KIF21A: variants seen among roughly 807,000 people sequenced by gnomAD.
KIF21A encodes the protein kinesin family member 21A.
KIF21A carries 114 observed loss-of-function variants against 202.9 expected under a neutral mutation model. The ratio of observed to expected loss-of-function variants is 0.56; its 90% CI spans 0.48 to 0.66. The LOEUF is 0.66. KIF21A is among the 30% of genes least tolerant of loss of function. The pLI is 0.00. For missense variants in KIF21A, 1,677 were observed against 1,994.9 expected (o/e 0.84, Z 3.04); for synonymous variants, 667 against 670.8 (o/e 0.99, Z 0.09).
chr12:39,361,317 T>G (rs1420563019), intron 7 of KIF21A, among the ~76,000 whole-genome samples: 1 of 152,160 alleles, frequency 6.6e-6, no homozygotes, highest in African/African-American at 2.4e-5. Flanking sequence ...ATGAAAATTT[T>G]TATTCTGTTA....
chr12:39,431,503 A>C (rs1411539107), intron 1 of KIF21A, among the ~76,000 whole-genome samples: 1 of 152,158 alleles, frequency 6.6e-6, no homozygotes, highest in Non-Finnish European at 1.5e-5. Flanking sequence ...GCAGCCAAAA[A>C]ATTTCACACT....
At chr12:39,402,116 T>C (rs1276061017) in intron 1 of KIF21A, among the ~76,000 whole-genome samples, 1 of 152,224 alleles carries the variant, frequency 6.6e-6, no homozygotes, top group African/African-American at 2.4e-5. Flanking sequence ...AGGGATAATC[T>C]GGCTCTAAGA....
At chr12:39,325,652 T>C (rs903822070) in intron 26 of KIF21A, among the ~76,000 whole-genome samples, 187 bp downstream of exon 26, 10 of 151,888 alleles carry the variant, frequency 6.6e-5, no homozygotes, top group Non-Finnish European at 1.3e-4. Flanking sequence ...GAGAAATTTT[T>C]TAATATAAAT....
intron 1 of KIF21A, among the ~76,000 whole-genome samples, chr12:39,416,733 ATG>A (rs1196684255): frequency 9.5e-6 from 1 of 104,856 alleles, no homozygotes; most frequent in Admixed American, 9.6e-5. Context: ...GTACATATAT[ATG>A]TGTATATATA....
chr12:39,357,908 C>CAAAAAAAAAAAAAAA lies in KIF21A; in HGVS notation c.1215+255_1215+269dup, dbSNP rs56035929. On this transcript the variant is annotated intron_variant, in intron 8 of 37. Coordinates refer to ENST00000361418, the MANE Select transcript of KIF21A (RefSeq NM_001173464.2). ...TGGGTGATAGAGGGAGACTCCATCT[C>CAAAAAAAAAAAAAAA]AAAAAAAAAAAAAAAAAAAAAAAAA... 2.2e-4 allele frequency among the ~76,000 whole-genome samples: 8 copies of CAAAAAAAAAAAAAAA among 36,706 alleles called. 1 individual carries two copies. Among genetic ancestry groups the CAAAAAAAAAAAAAAA allele is most frequent in the South Asian group, 1.6e-3 (1 of 612 alleles). The allele number at this position is 36,706 out of a possible 152,430, so 24.1% of individuals were successfully genotyped here.
intron 34 of KIF21A, among the ~76,000 whole-genome samples, chr12:39,305,749 T>C (rs950209318): frequency 1.3e-5 from 2 of 152,196 alleles, no homozygotes; most frequent in Admixed American, 6.5e-5. Context: ...GCTAAATGTC[T>C]GAATATGTGA....
At chr12:39,303,497 T>C (rs61101304) in intron 35 of KIF21A, among the ~76,000 whole-genome samples, 12,442 of 152,166 alleles carry the variant, frequency 0.082, 640 homozygotes, top group South Asian at 0.29. Flanking sequence ...TTTGTTGTTA[T>C]GTATGTTTTA....
At chr12:39,358,450 A>G (rs943256308) in intron 7 of KIF21A, 77 bp from the exon 8 acceptor site, 23 of 1,295,524 alleles carry the variant, frequency 1.8e-5, no homozygotes, top group Non-Finnish European at 2.6e-5. Context: ...TAAATTCCTA[A>G]CATTTGAATA....
intron 1 of KIF21A, among the ~76,000 whole-genome samples, chr12:39,399,627 C>T (rs901901016): frequency 5.3e-5 from 8 of 152,182 alleles, no homozygotes; most frequent in African/African-American, 1.9e-4. Flanking sequence ...ATTTGGTTAT[C>T]CCACATCTTC....
At chr12:39,334,513 C>T (rs1592206057) in intron 17 of KIF21A, among the ~76,000 whole-genome samples, 1 of 152,204 alleles carries the variant, frequency 6.6e-6, no homozygotes, top group East Asian at 1.9e-4. Flanking sequence ...TTGCCTACCA[C>T]AGTGACTGAT....
At chr12:39,427,418 T>G (rs1954850707) in intron 1 of KIF21A, among the ~76,000 whole-genome samples, 1 of 152,212 alleles carries the variant, frequency 6.6e-6, no homozygotes, top group South Asian at 2.1e-4. Context: ...CAAAAGGACC[T>G]GACTCATAGA....
intron 12 of KIF21A, among the ~76,000 whole-genome samples, chr12:39,344,919 T>A (rs1174138110): frequency 6.6e-6 from 1 of 152,156 alleles, no homozygotes; most frequent in African/African-American, 2.4e-5. Flanking sequence ...AAAAGGGAAC[T>A]GTGGCCTGGA....
intron 31 of KIF21A, among the ~76,000 whole-genome samples, chr12:39,313,393 GT>G (rs1381187996): frequency 6.6e-6 from 1 of 151,860 alleles, no homozygotes; most frequent in African/African-American, 2.4e-5. Flanking sequence ...CATGGGGAAA[GT>G]TTTTTGTAGG....
In KIF21A at chr12:39,322,809, G is replaced by A. The variant is rs774856036; in HGVS notation, c.3530C>T (p.Thr1177Ile). 3 of 1,614,028 alleles carry A rather than the reference G, an allele frequency of 1.9e-6. No homozygotes were observed. Among genetic ancestry groups the A allele is most frequent in the Non-Finnish European group, 2.5e-6 (3 of 1,179,940 alleles). The change falls in exon 27 of 38, where the codon ACA becomes ATA. Residue 1177 changes from threonine (T) to isoleucine (I), a missense_variant. Around this residue, in one of 3 missense-constraint regions of KIF21A, gnomAD observed 705 missense variants for 791.9 expected, o/e 0.89. Coordinates refer to ENST00000361418, the MANE Select transcript of KIF21A (RefSeq NM_001173464.2). ...AGGGCCAGGCAAGGAGGCATCTCCT[G>A]TACTAGTGTCTGAAGCTAGTTCACT... ...DSSELASDTS[T>I]GDASLPGPLT...
chr12:39,357,392 T>A lies in KIF21A; in HGVS notation c.1261A>T (p.Met421Leu). 6.2e-7 allele frequency: 1 copy of A among 1,614,126 alleles called. No individual in the cohort carries two copies. Among genetic ancestry groups the A allele is most frequent in the Non-Finnish European group, 8.5e-7 (1 of 1,179,972 alleles). ...DEEGVESIND[M>L]FHENAMLQTE... The stretch of plus-strand genomic sequence containing the variant: ...TGTAGCATAGCATTCTCATGAAACA[T>A]GTCATTGATGCTTTCCACACCCTCT... The change falls in exon 9 of 38, where the codon ATG becomes TTG. Residue 421 changes from methionine (M) to leucine (L), a missense_variant. By Grantham distance (15) the Met-to-Leu change is conservative. Coordinates refer to ENST00000361418, the MANE Select transcript of KIF21A (RefSeq NM_001173464.2).
chr12:39,371,139 G>A (rs1366525222), intron 1 of KIF21A, among the ~76,000 whole-genome samples: 3 of 152,146 alleles, frequency 2.0e-5, no homozygotes, highest in Non-Finnish European at 4.4e-5. Context: ...ATCCAGTACA[G>A]ATGTAACAAT....
At chr12:39,361,804 C>A (rs1032709689) in intron 7 of KIF21A, among the ~76,000 whole-genome samples, 2 of 151,914 alleles carry the variant, frequency 1.3e-5, no homozygotes, top group Admixed American at 1.3e-4. Flanking sequence ...CTGCGCCCGG[C>A]CAAAACAGAA....
chr12:39,340,089 A>G, intron 16 of KIF21A, 76 bp downstream of exon 16: 1 of 1,123,912 alleles, frequency 8.9e-7, no homozygotes, highest in Non-Finnish European at 1.3e-6. Context: ...AAGAACCACA[A>G]GAGTTGTTTA....
In KIF21A at chr12:39,442,719, G is replaced by T. The variant is rs1939821342; in HGVS notation, c.44+208C>A. ...CCAGCCACCTGCAAACACAGACGGCGTGAGGGCGGCGCAGTCGCCCTGCCA... is the reference window on the plus strand; with the variant it reads ...CCAGCCACCTGCAAACACAGACGGCTTGAGGGCGGCGCAGTCGCCCTGCCA... On this transcript the variant is annotated intron_variant, in intron 1 of 37. Coordinates refer to ENST00000361418, the MANE Select transcript of KIF21A (RefSeq NM_001173464.2). This position sits in a 1 kb window ranked among gnomAD's most constrained non-coding sequence, Gnocchi z 5.0. Among the ~76,000 whole-genome samples, 1 of 152,132 alleles carries T rather than the reference G, an allele frequency of 6.6e-6. No homozygotes were observed. Among genetic ancestry groups the T allele is most frequent in the African/African-American group, 2.4e-5 (1 of 41,428 alleles).
Sources: gnomAD v4.1 joint callset for allele counts (sites outside exome capture counted in the v4.1 genomes callset) on GRCh38, gnomAD v4.1.1 for gene constraint, gnomAD v4.1.1 regional missense constraint, Gnocchi (gnomAD v3.1) non-coding constraint, MANE v1.5 for transcripts, NCBI Gene and HGNC (gene_info 2026-07-23, HGNC 2026-07-21) for gene names.